GLIPR1L1: variants seen among roughly 807,000 people sequenced by gnomAD.
The protein encoded by GLIPR1L1 is GLIPR1 like 1.
In GLIPR1L1, 26 loss-of-function variants were observed where a neutral mutation model predicts 29.9. The observed-to-expected ratio is 0.87, with a 90% confidence interval of 0.64 to 1.21. The LOEUF (loss-of-function observed/expected upper bound fraction) is 1.21, where lower values mean the gene tolerates loss of function less well. GLIPR1L1 is among the 50% of genes most tolerant of loss of function. GLIPR1L1 has a pLI of 0.00. For synonymous variants in GLIPR1L1, 77 were observed against 97.5 expected (o/e 0.79, Z 1.24); for missense variants, 305 against 290.3 (o/e 1.05, Z -0.37).
intron 4 of GLIPR1L1, among the ~76,000 whole-genome samples, chr12:75,366,574 C>G (rs564700836): frequency 1.3e-5 from 2 of 152,172 alleles, no homozygotes; most frequent in African/African-American, 4.8e-5. Context: ...CAAAGAGAGG[C>G]ACCCTAAAAC....
intron 2 of GLIPR1L1, among the ~76,000 whole-genome samples, chr12:75,345,005 G>A (rs2042355473): frequency 6.6e-6 from 1 of 151,992 alleles, no homozygotes; most frequent in Admixed American, 6.6e-5. Flanking sequence ...CTTGTAAATG[G>A]GTCAGACTAG....
chr12:75,367,379 G>A (rs1293590057), intron 4 of GLIPR1L1, among the ~76,000 whole-genome samples: 3 of 150,366 alleles, frequency 2.0e-5, no homozygotes, highest in African/African-American at 4.9e-5. Context: ...CTTTATGTCC[G>A]TCTATAAGCT....
intron 4 of GLIPR1L1, chr12:75,369,474 T>C: frequency 3.1e-6 from 3 of 954,034 alleles, no homozygotes; most frequent in Middle Eastern, 1.1e-3. Flanking sequence ...TTTTTTTAAG[T>C]AGATTATTTC....
intron 2 of GLIPR1L1, among the ~76,000 whole-genome samples, chr12:75,345,901 T>C (rs2042410748): frequency 1.3e-5 from 2 of 152,214 alleles, no homozygotes; most frequent in African/African-American, 4.8e-5. Flanking sequence ...GGGAGCTTAC[T>C]CTTTATTGGC....
chr12:75,350,713 A>G (rs2042749602), intron 3 of GLIPR1L1, among the ~76,000 whole-genome samples: 1 of 152,240 alleles, frequency 6.6e-6, no homozygotes, highest in African/African-American at 2.4e-5. Context: ...CAAAGATCAA[A>G]GGTAGATAAA....
intron 4 of GLIPR1L1, among the ~76,000 whole-genome samples, chr12:75,369,082 G>A (rs912650563): frequency 2.6e-5 from 4 of 151,828 alleles, no homozygotes; most frequent in Admixed American, 1.3e-4. Context: ...TGAGAGATAC[G>A]CAATATAGCA....
intron 1 of GLIPR1L1, among the ~76,000 whole-genome samples, chr12:75,341,983 T>A (rs530344586): frequency 2.0e-4 from 31 of 152,244 alleles, no homozygotes; most frequent in African/African-American, 5.8e-4. Flanking sequence ...CCTCAGGTGA[T>A]CCACCCGCCT....
intron 3 of GLIPR1L1, among the ~76,000 whole-genome samples, chr12:75,359,357 C>CT (rs61616225): frequency 0.063 from 1,792 of 28,600 alleles, 521 homozygotes; most frequent in Middle Eastern, 0.17. Context: ...GCATTGTTGT[C>CT]TTTTTTTTTT....
intron 3 of GLIPR1L1, among the ~76,000 whole-genome samples, chr12:75,355,038 T>A (rs907334300): frequency 6.6e-6 from 1 of 151,718 alleles, no homozygotes; most frequent in African/African-American, 2.4e-5. Context: ...TAGAAGAAAA[T>A]CTAGGCAATA....
At chr12:75,340,738 A>G (rs2042046994) in intron 1 of GLIPR1L1, among the ~76,000 whole-genome samples, 1 of 151,886 alleles carries the variant, frequency 6.6e-6, no homozygotes, top group African/African-American at 2.4e-5. Context: ...ACAGTAAAAA[A>G]AAAAAAGAAA....
intron 1 of GLIPR1L1, among the ~76,000 whole-genome samples, chr12:75,341,499 T>C (rs1282509164): frequency 6.6e-6 from 1 of 152,172 alleles, no homozygotes; most frequent in African/African-American, 2.4e-5. Context: ...CAGGCTGGAA[T>C]GCAGTGGCGC....
rs117644250 is a variant in GLIPR1L1 at position 75,351,172 on chromosome 12, G to A, written c.521+3450G>A. Among the ~76,000 whole-genome samples the A allele has an allele frequency of 3.6e-3, 542 of 152,176 alleles. 3 individuals are homozygous for A. Among genetic ancestry groups the A allele is most frequent in the South Asian group, 0.015 (71 of 4,828 alleles). ...GAAAAAAGGAACAAACAAAACCTGT[G>A]AGAACTATGAGATTATGTAAGATTG... On this transcript the variant is annotated intron_variant, in intron 3 of 5. Coordinates refer to ENST00000378695, the MANE Select transcript of GLIPR1L1 (RefSeq NM_001304964.2).
intron 3 of GLIPR1L1, among the ~76,000 whole-genome samples, chr12:75,357,221 A>G (rs1464838365): frequency 6.6e-6 from 1 of 152,188 alleles, no homozygotes; most frequent in Non-Finnish European, 1.5e-5. Context: ...CACTGTTTAC[A>G]TTAGTATCAG....
intron 4 of GLIPR1L1, chr12:75,365,298 T>A (rs1364172123): frequency 1.3e-5 from 2 of 152,082 alleles, no homozygotes; most frequent in Non-Finnish European, 2.9e-5. Context: ...ATAAATCACA[T>A]TAATAATTTG....
At chr12:75,349,026 AC>A (rs1392109150) in intron 3 of GLIPR1L1, among the ~76,000 whole-genome samples, 1 of 152,214 alleles carries the variant, frequency 6.6e-6, no homozygotes, top group African/African-American at 2.4e-5. Context: ...GAATACCAAT[AC>A]AGCTAGAGTT....
At chr12:75,352,652 C>A (rs761893748) in intron 3 of GLIPR1L1, among the ~76,000 whole-genome samples, 10 of 152,164 alleles carry the variant, frequency 6.6e-5, no homozygotes, top group Non-Finnish European at 1.3e-4. Context: ...ATCAAGTGGA[C>A]CTGACAGTTA....
intron 3 of GLIPR1L1, among the ~76,000 whole-genome samples, chr12:75,348,537 T>C (rs563269065): frequency 6.6e-6 from 1 of 152,334 alleles, no homozygotes; most frequent in East Asian, 1.9e-4. Context: ...ACATTTATTA[T>C]CATCTTTTCT....
Position 75,347,697 on chromosome 12 carries a change from A to ATATTTG in GLIPR1L1, c.500_505dup (p.Phe167_Val168dup), listed in dbSNP as rs781276840. On this transcript the variant is annotated inframe_insertion, in exon 3 of 6. Coordinates refer to ENST00000378695, the MANE Select transcript of GLIPR1L1 (RefSeq NM_001304964.2). The stretch of plus-strand genomic sequence containing the variant: ...TAACCTTGGGGGAGCTTCAACTGCA[A>ATATTTG]TATTTGTATGCAACTACGGACCTGC... 3.8e-5 allele frequency: 61 copies of ATATTTG among 1,603,202 alleles called. No individual in the cohort carries two copies. The African/African-American group carries it at 7.1e-4, about 19-fold the overall frequency.
At chr12:75,354,655 A>G (rs1850430628) in intron 3 of GLIPR1L1, among the ~76,000 whole-genome samples, 1 of 152,214 alleles carries the variant, frequency 6.6e-6, no homozygotes, top group Non-Finnish European at 1.5e-5. Flanking sequence ...GAACCAAAAA[A>G]GGGTTTGTGT....
Sources: gnomAD v4.1 joint callset for allele counts (sites outside exome capture counted in the v4.1 genomes callset) on GRCh38, gnomAD v4.1.1 for gene constraint, MANE v1.5 for transcripts, NCBI Gene and HGNC (gene_info 2026-07-23, HGNC 2026-07-21) for gene names.